Variants in MMD2 observed in about 807,000 individuals in gnomAD.
MMD2 encodes monocyte to macrophage differentiation associated 2, also known as monocyte to macrophage differentiation factor 2.
MMD2 carries 30 observed loss-of-function variants against 33.5 expected under a neutral mutation model. That is an observed-to-expected ratio of 0.90 (90% confidence interval 0.67 to 1.22). MMD2 has a LOEUF of 1.22. Among genes scored for constraint, MMD2 ranks in the 50% most tolerant of loss-of-function variants. The probability of loss-of-function intolerance (pLI) is 0.00; values close to 1 mark genes in which losing one functional copy is unlikely to be tolerated. For synonymous variants in MMD2, 129 were observed against 123.0 expected (o/e 1.05, Z -0.32); for missense variants, 364 against 325.4 (o/e 1.12, Z -0.91).
At chr7:4,935,269 T>C (rs180774709) in intron 1 of MMD2, among the ~76,000 whole-genome samples, 2 of 152,024 alleles carry the variant, frequency 1.3e-5, no homozygotes, top group Admixed American at 1.3e-4. Flanking sequence ...GAGAGGATCA[T>C]ATGAGCCAGG....
intron 1 of MMD2, among the ~76,000 whole-genome samples, chr7:4,941,597 T>C (rs1785910789): frequency 6.8e-6 from 1 of 147,180 alleles, no homozygotes; most frequent in Non-Finnish European, 1.5e-5. Flanking sequence ...ACCACTGCAC[T>C]CCAGCCTGGA....
the MMD2 span, among the ~76,000 whole-genome samples, chr7:4,900,614 A>G: frequency 1.3e-5 from 2 of 152,066 alleles, no homozygotes; most frequent in Non-Finnish European, 2.9e-5. Flanking sequence ...GATACCTTCC[A>G]TGACTCCTCA....
At chr7:4,894,926 T>C in the MMD2 span, among the ~76,000 whole-genome samples, 38 of 152,146 alleles carry the variant, frequency 2.5e-4, no homozygotes, top group African/African-American at 7.0e-4. This position sits in a 1 kb window ranked among gnomAD's most constrained non-coding sequence, Gnocchi z 4.3. Flanking sequence ...CCATGGGGAA[T>C]TGGAAAGGGG....
At chr7:4,925,728 T>A (rs1410613543) in intron 1 of MMD2, among the ~76,000 whole-genome samples, 196 bp from the exon 2 acceptor site, 4 of 152,222 alleles carry the variant, frequency 2.6e-5, no homozygotes, top group African/African-American at 9.6e-5. Context: ...GGTTTTGGAT[T>A]ATCCAATATT....
Position 4,930,817 on chromosome 7 carries a change from A to G in MMD2, c.48-5285T>C, listed in dbSNP as rs1785565364. ...GTGATTCCAGCCCTCGGACAAAAAC[A>G]CAGGTGCATGTCGTGCTTGTTTTTT... On this transcript the variant is annotated intron_variant, in intron 1 of 6. Coordinates refer to ENST00000401401, the MANE Select transcript of MMD2 (RefSeq NM_198403.4). Among the ~76,000 whole-genome samples the G allele has an allele frequency of 2.6e-5, 4 of 152,134 alleles. No homozygotes were observed. The South Asian group carries it at 8.3e-4, about 32-fold the overall frequency.
intron 2 of MMD2, among the ~76,000 whole-genome samples, chr7:4,922,055 C>T (rs1012056382): frequency 8.6e-5 from 13 of 151,418 alleles, no homozygotes; most frequent in Non-Finnish European, 1.9e-4. Flanking sequence ...GTAAAACCCC[C>T]TCTCTACTAA....
intron 1 of MMD2, among the ~76,000 whole-genome samples, chr7:4,953,584 C>T (rs141218277): frequency 0.17 from 25,273 of 151,172 alleles, 2,538 homozygotes; most frequent in East Asian, 0.33. Context: ...AATTCTCCTG[C>T]CTCAGCCTCC....
rs115886272 is a variant in MMD2 at position 4,946,181 on chromosome 7, A to G, written c.47+12790T>C. Among the ~76,000 whole-genome samples, 3,878 of 150,934 alleles carry G rather than the reference A, an allele frequency of 0.026. 167 individuals are homozygous for G. Among genetic ancestry groups the G allele is most frequent in the African/African-American group, 0.089 (3,651 of 41,096 alleles). Reference sequence around the variant, plus strand: ...CGCGCACACCTGCACACATGCACACACACGCGCGCACACCCACACACACGC... The same window carrying G: ...CGCGCACACCTGCACACATGCACACGCACGCGCGCACACCCACACACACGC... On this transcript the variant is annotated intron_variant, in intron 1 of 6. Transcript: ENST00000401401. This position sits in a 1 kb window ranked among gnomAD's most constrained non-coding sequence, Gnocchi z 5.0.
chr7:4,901,236 T>C (rs896694347), downstream of MMD2, among the ~76,000 whole-genome samples: 2 of 151,586 alleles, frequency 1.3e-5, no homozygotes, highest in African/African-American at 2.4e-5. Flanking sequence ...AGGTCAGGAG[T>C]TCGAGACCAG....
chr7:4,910,211 G>T (rs1457221295), intron 5 of MMD2, among the ~76,000 whole-genome samples: 1 of 152,110 alleles, frequency 6.6e-6, no homozygotes, highest in East Asian at 1.9e-4. Context: ...CCAGAGCAGG[G>T]ATTACAAACA....
chr7:4,915,887 C>G, intron 4 of MMD2, 118 bp downstream of exon 4: 1 of 963,720 alleles, frequency 1.0e-6, no homozygotes, highest in Non-Finnish European at 1.6e-6. Flanking sequence ...TGGCGGGAAG[C>G]TTTTAACCTA....
the MMD2 span, among the ~76,000 whole-genome samples, chr7:4,892,936 G>A: frequency 4.6e-5 from 7 of 152,150 alleles, no homozygotes; most frequent in Middle Eastern, 3.4e-3. Context: ...GGCTGGTCTC[G>A]AACTCCTGAT....
At chr7:4,958,916 C>T (rs1583409195) in intron 1 of MMD2, 55 bp downstream of exon 1, 17 of 1,279,448 alleles carry the variant, frequency 1.3e-5, no homozygotes, top group East Asian at 6.3e-5. Flanking sequence ...TCCGCGGCCC[C>T]CGCCGCCGCG....
chr7:4,920,215 C>G lies in MMD2; in HGVS notation c.246G>C (p.Val82=). 1.3e-6 allele frequency: 2 copies of G among 1,576,734 alleles called. No homozygotes were observed. Among genetic ancestry groups the G allele is most frequent in the South Asian group, 2.3e-5 (2 of 85,666 alleles). The change falls in exon 3 of 7, where the codon GTG becomes GTC. Residue 82 remains valine (V), a synonymous_variant. Coordinates refer to ENST00000401401, the MANE Select transcript of MMD2 (RefSeq NM_198403.4). ...YGLGLCGLFV[V]STVFHTISWK... Reference sequence around the variant, plus strand: ...AGGAGATGGTGTGAAACACAGTGGACACCACGAAGAGGCCGCAGAGGCCGA... The same window carrying G: ...AGGAGATGGTGTGAAACACAGTGGAGACCACGAAGAGGCCGCAGAGGCCGA...
Position 4,929,617 on chromosome 7 carries a change from C to T in MMD2, c.48-4085G>A, listed in dbSNP as rs142831798. On this transcript the variant is annotated intron_variant, in intron 1 of 6. Transcript: ENST00000401401. Reference sequence around the variant, plus strand: ...TTGGCTCACTGCAACCTCTGCCTCCCGGGTTCAAGTGATTATCCTGCCTCA... The same window carrying T: ...TTGGCTCACTGCAACCTCTGCCTCCTGGGTTCAAGTGATTATCCTGCCTCA... 3.3e-3 allele frequency among the ~76,000 whole-genome samples: 497 copies of T among 152,144 alleles called. 2 individuals are homozygous for T. The highest frequency in any genetic ancestry group is 0.011 in the African/African-American group (456 of 41,502).
intron 1 of MMD2, among the ~76,000 whole-genome samples, chr7:4,932,732 C>A (rs1785625303): frequency 6.6e-6 from 1 of 151,866 alleles, no homozygotes; most frequent in Admixed American, 6.6e-5. Flanking sequence ...AAGTGATTCT[C>A]CTGCCTCAGC....
At chr7:4,892,955 C>T in the MMD2 span, among the ~76,000 whole-genome samples, 1 of 152,242 alleles carries the variant, frequency 6.6e-6, no homozygotes, top group East Asian at 1.9e-4. Flanking sequence ...ATATCATGAT[C>T]CTCACGCCTC....
rs375755074 is a variant in MMD2, at chr7:4,912,362, T to C, written c.366-1116A>G. On this transcript the variant is annotated intron_variant, in intron 4 of 6. Coordinates refer to ENST00000401401, the MANE Select transcript of MMD2 (RefSeq NM_198403.4). Reference sequence around the variant, plus strand: ...TCACGAGGTCAGGAGATTGAGACCATCCTGGCTAACATGGTGAAACCCCGT... The same window carrying C: ...TCACGAGGTCAGGAGATTGAGACCACCCTGGCTAACATGGTGAAACCCCGT... Among the ~76,000 whole-genome samples the C allele has an allele frequency of 2.1e-3, 318 of 151,744 alleles. 7 individuals are homozygous for C. Among genetic ancestry groups the C allele is most frequent in the Middle Eastern group, 0.01 (3 of 292 alleles).
At chr7:4,954,880 C>T (rs1206348214) in intron 1 of MMD2, among the ~76,000 whole-genome samples, 1 of 152,202 alleles carries the variant, frequency 6.6e-6, no homozygotes, top group South Asian at 2.1e-4. Flanking sequence ...TTTCATCCCT[C>T]TAAAAGTGTC....
Sources: allele counts gnomAD v4.1 joint callset (sites outside exome capture counted in the v4.1 genomes callset), GRCh38; gene constraint gnomAD v4.1.1; non-coding constraint Gnocchi (gnomAD v3.1); transcripts MANE v1.5; gene names NCBI Gene and HGNC (gene_info 2026-07-23, HGNC 2026-07-21).